SLC71A2: variants seen among roughly 807,000 people sequenced by gnomAD.
The protein encoded by SLC71A2 is solute carrier family 71 member 2.
chr9:94,409,140 T>TC, the SLC71A2 span, among the ~76,000 whole-genome samples: 3 of 137,264 alleles, frequency 2.2e-5, no homozygotes, highest in African/African-American at 8.5e-5. Flanking sequence ...TTTTTTTTTT[T>TC]TTTTTTTTTT....
At chr9:94,395,564 GA>G in the SLC71A2 span, among the ~76,000 whole-genome samples, 2 of 152,064 alleles carry the variant, frequency 1.3e-5, no homozygotes, top group African/African-American at 4.8e-5. Flanking sequence ...CTTCAGGATT[GA>G]CCCCTTGTGG....
At chr9:94,446,611 CTTTTT>C in the SLC71A2 span, among the ~76,000 whole-genome samples, 1 of 146,820 alleles carries the variant, frequency 6.8e-6, no homozygotes, top group East Asian at 2.0e-4. Context: ...TATTTTTTTG[CTTTTT>C]TTTTTAGCTA....
At chr9:94,417,773 G>A in the SLC71A2 span, among the ~76,000 whole-genome samples, 1 of 151,232 alleles carries the variant, frequency 6.6e-6, no homozygotes, top group African/African-American at 2.4e-5. Flanking sequence ...TCACGTTTGG[G>A]AAGTTTTTGA....
the SLC71A2 span, among the ~76,000 whole-genome samples, chr9:94,416,395 A>G: frequency 1.3e-5 from 2 of 152,146 alleles, no homozygotes; most frequent in East Asian, 1.9e-4. Context: ...ACTCTTCCTA[A>G]TCATCATTTT....
chr9:94,454,200 C>T, the SLC71A2 span: 1 of 628,536 alleles, frequency 1.6e-6, no homozygotes, highest in Non-Finnish European at 2.8e-6. Flanking sequence ...ATTGCAGAAA[C>T]CATTAGGCTT....
At chr9:94,450,957 G>A in the SLC71A2 span, among the ~76,000 whole-genome samples, 10 of 152,088 alleles carry the variant, frequency 6.6e-5, no homozygotes, top group African/African-American at 4.8e-5. Flanking sequence ...GGGTCATACC[G>A]CCAGAGAGCC....
the SLC71A2 span, chr9:94,459,137 C>A: frequency 1.2e-6 from 2 of 1,607,742 alleles, no homozygotes; most frequent in Non-Finnish European, 1.7e-6. Flanking sequence ...TTCTTTGTCT[C>A]CACTTGTTTT....
the SLC71A2 span, among the ~76,000 whole-genome samples, chr9:94,399,672 T>C: frequency 6.6e-6 from 1 of 152,244 alleles, no homozygotes; most frequent in Non-Finnish European, 1.5e-5. Flanking sequence ...TGTTAATCTT[T>C]ATTTCCATGG....
At chr9:94,388,542 G>C in the SLC71A2 span, among the ~76,000 whole-genome samples, 1 of 152,164 alleles carries the variant, frequency 6.6e-6, no homozygotes, top group East Asian at 1.9e-4. Context: ...CATACATTAG[G>C]TGGAGTACTA....
At chr9:94,458,256 G>T in the SLC71A2 span, 1 of 1,452,662 alleles carries the variant, frequency 6.9e-7, no homozygotes, top group Non-Finnish European at 9.4e-7. Context: ...AGAAAGTACT[G>T]TGCAGCTCCA....
chr9:94,396,764 C>A, the SLC71A2 span, among the ~76,000 whole-genome samples: 6 of 152,082 alleles, frequency 3.9e-5, no homozygotes, highest in Non-Finnish European at 7.4e-5. Context: ...AACCCCTGCT[C>A]TAATATATTT....
At chr9:94,446,015 C>G in the SLC71A2 span, among the ~76,000 whole-genome samples, 22 of 152,198 alleles carry the variant, frequency 1.4e-4, no homozygotes, top group African/African-American at 5.3e-4. Context: ...TTCCCACCTT[C>G]CTTTGTAGTG....
the SLC71A2 span, among the ~76,000 whole-genome samples, chr9:94,450,479 G>A: frequency 8.1e-6 from 1 of 123,440 alleles, no homozygotes; most frequent in Non-Finnish European, 1.7e-5. Flanking sequence ...TTAATATAGG[G>A]CAAAATAATG....
chr9:94,456,221 G>T, the SLC71A2 span: 1 of 1,600,584 alleles, frequency 6.2e-7, no homozygotes, highest in African/African-American at 1.3e-5. Context: ...GCCTGACTGT[G>T]CCTGTCCTGT....
chr9:94,384,001 G>C, the SLC71A2 span, among the ~76,000 whole-genome samples: 128 of 152,256 alleles, frequency 8.4e-4, 1 homozygote, highest in African/African-American at 3.0e-3. Context: ...TTTAATTGTG[G>C]TAAAATACAC....
the SLC71A2 span, among the ~76,000 whole-genome samples, chr9:94,379,103 T>TTTTTTTTTTTA: frequency 7.0e-6 from 1 of 142,338 alleles, no homozygotes; most frequent in Admixed American, 7.0e-5. Flanking sequence ...TTTTTTTTTT[T>TTTTTTTTTTTA]GAGACGGAGT....
chr9:94,402,240 G>C, the SLC71A2 span, among the ~76,000 whole-genome samples: 1 of 152,128 alleles, frequency 6.6e-6, no homozygotes, highest in Non-Finnish European at 1.5e-5. Flanking sequence ...AGATGGAGTC[G>C]CTCTGGTTCA....
chr9:94,443,992 G>A, the SLC71A2 span, among the ~76,000 whole-genome samples: 1 of 152,002 alleles, frequency 6.6e-6, no homozygotes, highest in Non-Finnish European at 1.5e-5. Context: ...AGCTTTTATA[G>A]TACTTTTAGT....
the SLC71A2 span, among the ~76,000 whole-genome samples, chr9:94,405,498 CAAA>C: frequency 6.7e-5 from 4 of 59,808 alleles, no homozygotes; most frequent in Non-Finnish European, 6.7e-5. Context: ...GACTCCGTCT[CAAA>C]AAAAAAAAAA....
Sources: gnomAD v4.1 joint callset for allele counts (sites outside exome capture counted in the v4.1 genomes callset) on GRCh38, gnomAD v4.1.1 for gene constraint, MANE v1.5 for transcripts, NCBI Gene and HGNC (gene_info 2026-07-23, HGNC 2026-07-21) for gene names.